Variants in POTEJ observed in about 807,000 individuals in gnomAD.
The protein encoded by POTEJ is POTE ankyrin domain family member J, also known as POTE ankyrin domain family, member J.
A neutral mutation model predicts 69.0 loss-of-function variants in POTEJ; 11 were observed. The observed-to-expected ratio is 0.16, with a 90% CI of 0.10 to 0.26. The LOEUF is 0.26. Among genes scored for constraint, POTEJ ranks in the 10% least tolerant of loss-of-function variants. The pLI is 1.00. For missense variants in POTEJ, 327 were observed against 1,045.5 expected (o/e 0.31, Z 9.48); for synonymous variants, 117 against 381.1 (o/e 0.31, Z 8.07).
chr2:130,622,741 G>T (rs2105206248), intron 5 of POTEJ: 1 of 151,438 alleles, frequency 6.6e-6, no homozygotes, highest in South Asian at 2.1e-4. Flanking sequence ...GGAAGCCATT[G>T]AAGAGAATTC....
At chr2:130,631,730 T>C (rs529528877) in intron 8 of POTEJ, among the ~76,000 whole-genome samples, 1 of 142,100 alleles carries the variant, frequency 7.0e-6, no homozygotes, top group Non-Finnish European at 1.5e-5. Flanking sequence ...TCATTTTATC[T>C]TTCTTGGTTT....
intron 1 of POTEJ, among the ~76,000 whole-genome samples, chr2:130,613,266 ATATATATACATATG>A (rs1459595133): frequency 1.4e-4 from 7 of 51,338 alleles, no homozygotes; most frequent in South Asian, 5.5e-4. Context: ...ACATATATAC[ATATATATACATATG>A]TATATATACA....
At chr2:130,612,883 A>G (rs1294405484) in intron 1 of POTEJ, among the ~76,000 whole-genome samples, 2 of 136,372 alleles carry the variant, frequency 1.5e-5, no homozygotes, top group African/African-American at 5.5e-5. Context: ...TATTATTGTG[A>G]TAAATTAATT....
chr2:130,647,996 C>A (rs1338898371), intron 13 of POTEJ, among the ~76,000 whole-genome samples: 1 of 147,348 alleles, frequency 6.8e-6, no homozygotes, highest in Admixed American at 6.8e-5. Flanking sequence ...AGATTATTTT[C>A]TGCATTTCTC....
intron 10 of POTEJ, among the ~76,000 whole-genome samples, chr2:130,641,433 A>T (rs1573989790): frequency 6.7e-6 from 1 of 148,542 alleles, no homozygotes; most frequent in East Asian, 1.9e-4. Context: ...AAGAAATAAC[A>T]TTAATAGTTG....
chr2:130,636,891 G>C (rs1407513361), intron 9 of POTEJ, among the ~76,000 whole-genome samples: 1 of 146,906 alleles, frequency 6.8e-6, no homozygotes, highest in Non-Finnish European at 1.5e-5. Context: ...AGGAGATCGA[G>C]ACCAGTGAAA....
intron 9 of POTEJ, among the ~76,000 whole-genome samples, chr2:130,637,741 A>G (rs1203606798): frequency 2.0e-5 from 3 of 152,276 alleles, no homozygotes; most frequent in African/African-American, 7.2e-5. Flanking sequence ...ACCTAAAAAA[A>G]AAAATAAAAG....
At chr2:130,656,468 C>G in intron 14 of POTEJ, 81 bp from the exon 15 acceptor site, 1 of 1,519,454 alleles carries the variant, frequency 6.6e-7, no homozygotes, top group Non-Finnish European at 8.9e-7. Context: ...TATACAAATA[C>G]ATGTTATTTT....
intron 9 of POTEJ, among the ~76,000 whole-genome samples, chr2:130,637,854 G>A (rs1399201751): frequency 1.3e-5 from 2 of 150,278 alleles, no homozygotes; most frequent in African/African-American, 5.0e-5. Context: ...AAGGATCATT[G>A]GTCCAAGTCA....
intron 4 of POTEJ, 40 bp from the exon 5 acceptor site, chr2:130,621,425 TA>T: frequency 6.8e-7 from 1 of 1,472,240 alleles, no homozygotes; most frequent in Non-Finnish European, 9.1e-7. Context: ...AAATTAGCTT[TA>T]AAAATAACTT....
chr2:130,614,282 C>A (rs1412081986), intron 1 of POTEJ, among the ~76,000 whole-genome samples: 1 of 151,822 alleles, frequency 6.6e-6, no homozygotes. Flanking sequence ...GCTTTTCAAA[C>A]AGACACTTTA....
intron 9 of POTEJ, among the ~76,000 whole-genome samples, chr2:130,636,767 T>G (rs560937715): frequency 6.8e-6 from 1 of 148,102 alleles, no homozygotes; most frequent in Non-Finnish European, 1.5e-5. Context: ...GTTTATCCTG[T>G]GTATATTGTT....
In POTEJ at chr2:130,615,797, A is replaced by T. The variant is rs1283801470; in HGVS notation, c.411-993A>T. ...AAAAGCTCCACAAATAGTTTCATAAATCCATTTTAAAACAACAAAATTTAT... is the reference window on the plus strand; with the variant it reads ...AAAAGCTCCACAAATAGTTTCATAATTCCATTTTAAAACAACAAAATTTAT... On this transcript the variant is annotated intron_variant, in intron 1 of 14. Transcript: ENST00000409602. Among the ~76,000 whole-genome samples the T allele has an allele frequency of 2.7e-5, 4 of 148,054 alleles. No individual in the cohort carries two copies. In the South Asian group the frequency reaches 8.3e-4, roughly 31 times the overall value.
chr2:130,655,290 A>G (rs1277683488), intron 14 of POTEJ, among the ~76,000 whole-genome samples: 1 of 152,164 alleles, frequency 6.6e-6, no homozygotes, highest in East Asian at 1.9e-4. Flanking sequence ...GATGTTTTTC[A>G]TAAGAATTGA....
chr2:130,634,087 A>G (rs1209883715), intron 9 of POTEJ, among the ~76,000 whole-genome samples: 4 of 152,146 alleles, frequency 2.6e-5, no homozygotes, highest in Admixed American at 6.5e-5. Context: ...AATTGACACT[A>G]TGGACTGTAA....
intron 9 of POTEJ, among the ~76,000 whole-genome samples, chr2:130,634,993 G>T: frequency 1.3e-5 from 2 of 148,366 alleles, no homozygotes; most frequent in South Asian, 4.2e-4. Flanking sequence ...AGTGGAGGGC[G>T]TCTCCTCCCT....
At chr2:130,639,528 C>T (rs1168767445) in intron 10 of POTEJ, among the ~76,000 whole-genome samples, 7 of 152,260 alleles carry the variant, frequency 4.6e-5, no homozygotes, top group Non-Finnish European at 8.8e-5. Context: ...TACAATTTTC[C>T]CAATGCAAGG....
chr2:130,651,975 C>CTG (rs1553481483), intron 13 of POTEJ, among the ~76,000 whole-genome samples: 1 of 64,572 alleles, frequency 1.5e-5, no homozygotes, highest in African/African-American at 2.2e-4. Context: ...AATAAGGATA[C>CTG]CCCCCCCCAA....
chr2:130,637,281 G>A (rs1192628524), intron 9 of POTEJ, among the ~76,000 whole-genome samples: 2 of 150,824 alleles, frequency 1.3e-5, no homozygotes, highest in African/African-American at 4.9e-5. Flanking sequence ...ATGGTAAACT[G>A]AGTCAGAGGA....
Sources: gnomAD v4.1 joint callset for allele counts (sites outside exome capture counted in the v4.1 genomes callset) on GRCh38, gnomAD v4.1.1 for gene constraint, MANE v1.5 for transcripts, NCBI Gene and HGNC (gene_info 2026-07-23, HGNC 2026-07-21) for gene names.